The following CDYL2 variants were observed in gnomAD, a reference collection of about 807,000 sequenced individuals.
CDYL2 encodes chromodomain Y like 2, also known as chromodomain Y-like protein 2.
In CDYL2, 23 loss-of-function variants were observed where a neutral mutation model predicts 49.4. The observed-to-expected ratio is 0.47, with a 90% CI of 0.34 to 0.66. The LOEUF is 0.66. CDYL2 is among the 30% of genes least tolerant of loss of function. The pLI is 0.01. For missense variants in CDYL2, 678 were observed against 656.4 expected (o/e 1.03, Z -0.36); for synonymous variants, 360 against 268.8 (o/e 1.34, Z -3.32).
At chr16:80,772,242 T>C (rs1293649190) in intron 1 of CDYL2, among the ~76,000 whole-genome samples, 1 of 151,968 alleles carries the variant, frequency 6.6e-6, no homozygotes, top group Non-Finnish European at 1.5e-5. Flanking sequence ...TTTTAGAAAA[T>C]AATTTCAGGT....
chr16:80,717,449 C>T (rs1904849312), intron 1 of CDYL2, among the ~76,000 whole-genome samples: 1 of 152,206 alleles, frequency 6.6e-6, no homozygotes, highest in African/African-American at 2.4e-5. Context: ...AACACAGCCA[C>T]TGCCACCAGG....
intron 2 of CDYL2, among the ~76,000 whole-genome samples, chr16:80,683,613 GT>G (rs1235726509): frequency 6.6e-6 from 1 of 152,214 alleles, no homozygotes; most frequent in African/African-American, 2.4e-5. Context: ...ACCCACTACA[GT>G]CTGAACATTT....
At chr16:80,712,061 G>GTATATATGTGTGTATATATGTGTGTA (rs1904620992) in intron 1 of CDYL2, among the ~76,000 whole-genome samples, 3 of 146,746 alleles carry the variant, frequency 2.0e-5, no homozygotes, top group Admixed American at 6.8e-5. Flanking sequence ...AGATGTGTGT[G>GTATATATGTGTGTATATATGTGTGTA]TATAGATGTG....
intron 1 of CDYL2, among the ~76,000 whole-genome samples, chr16:80,774,730 A>T (rs1907024355): frequency 6.6e-6 from 1 of 152,110 alleles, no homozygotes; most frequent in Non-Finnish European, 1.5e-5. Context: ...ATTTGGGGCA[A>T]ATCTGAAGAG....
At chr16:80,615,560 T>C (rs1906792039) in intron 4 of CDYL2, among the ~76,000 whole-genome samples, 1 of 152,044 alleles carries the variant, frequency 6.6e-6, no homozygotes, top group African/African-American at 2.4e-5. Context: ...CTGCTGTGGG[T>C]CTCCTGTAAG....
At chr16:80,638,386 T>C (rs929783343) in intron 2 of CDYL2, among the ~76,000 whole-genome samples, 1 of 152,206 alleles carries the variant, frequency 6.6e-6, no homozygotes, top group Admixed American at 6.5e-5. Flanking sequence ...AGACTCAATA[T>C]TTTTAATATG....
intron 1 of CDYL2, among the ~76,000 whole-genome samples, chr16:80,691,355 T>C (rs1218377648): frequency 1.3e-5 from 2 of 152,190 alleles, no homozygotes; most frequent in African/African-American, 4.8e-5. Flanking sequence ...AAGACTTAGA[T>C]TGCTTCAGCT....
At chr16:80,669,679 G>C (rs73583690) in intron 2 of CDYL2, among the ~76,000 whole-genome samples, 4,437 of 152,252 alleles carry the variant, frequency 0.029, 220 homozygotes, top group African/African-American at 0.1. Flanking sequence ...CCTCTGGCTG[G>C]CTTTGTGGCC....
At chr16:80,663,448 C>T (rs949114318) in intron 2 of CDYL2, among the ~76,000 whole-genome samples, 1 of 152,114 alleles carries the variant, frequency 6.6e-6, no homozygotes, top group South Asian at 2.1e-4. Context: ...ATCTTAGCCA[C>T]AGTTAACTGT....
At chr16:80,768,205 T>C (rs1278211666) in intron 1 of CDYL2, among the ~76,000 whole-genome samples, 2 of 152,146 alleles carry the variant, frequency 1.3e-5, no homozygotes, top group Admixed American at 6.5e-5. Context: ...AAACAGAACA[T>C]ACTAGAGATC....
Position 80,663,994 on chromosome 16 carries a change from T to G in CDYL2, c.616+20544A>C, listed in dbSNP as rs540619606. 7.9e-5 allele frequency among the ~76,000 whole-genome samples: 12 copies of G among 152,320 alleles called. No individual in the cohort carries two copies. The South Asian group carries it at 2.5e-3, about 32-fold the overall frequency. On this transcript the variant is annotated intron_variant, in intron 2 of 6. Coordinates refer to ENST00000570137, the MANE Select transcript of CDYL2 (RefSeq NM_152342.4). ...ACAAATCAAATCATGTCTCCTGCAT[T>G]AAAACCCTCCAAGGCCATGCTAACT...
rs1306818994 is a variant in CDYL2 at position 80,602,955 on chromosome 16, C to T, written c.*1433G>A. The T allele has an allele frequency of 1.3e-5, 2 of 152,256 alleles. No homozygotes were observed. Among genetic ancestry groups the T allele is most frequent in the African/African-American group, 4.8e-5 (2 of 41,440 alleles). The allele number at this position is 152,256 out of a possible 1,614,324, so 9.4% of individuals were successfully genotyped here. ...CTCAAAACCACAACCCCCAATCCCT[C>T]CTTCTCTGTAGTTAATCCAGGGACT... On this transcript the variant is annotated 3_prime_UTR_variant, in exon 7 of 7. Transcript: ENST00000570137.
chr16:80,748,308 C>T (rs1474616439), intron 1 of CDYL2, among the ~76,000 whole-genome samples: 1 of 148,440 alleles, frequency 6.7e-6, no homozygotes, highest in Non-Finnish European at 1.5e-5. Context: ...AGGCAGATCA[C>T]GAGGTCAGCA....
At chr16:80,668,638 A>T (rs1172255919) in intron 2 of CDYL2, among the ~76,000 whole-genome samples, 1 of 152,080 alleles carries the variant, frequency 6.6e-6, no homozygotes, top group Non-Finnish European at 1.5e-5. Flanking sequence ...TAAAATGCTT[A>T]TATTTTCCCC....
chr16:80,677,095 T>C (rs1909780622), intron 2 of CDYL2, among the ~76,000 whole-genome samples: 1 of 149,766 alleles, frequency 6.7e-6, no homozygotes, highest in Non-Finnish European at 1.5e-5. Context: ...CTCAGCTCCC[T>C]GGAAAGCTGG....
chr16:80,759,161 T>C (rs1470944846), intron 1 of CDYL2, among the ~76,000 whole-genome samples: 1 of 117,262 alleles, frequency 8.5e-6, no homozygotes, highest in East Asian at 2.4e-4. Flanking sequence ...ATATATGGTT[T>C]ATATATATAT....
intron 1 of CDYL2, among the ~76,000 whole-genome samples, chr16:80,777,961 A>AT (rs1214468140): frequency 1.4e-5 from 2 of 143,058 alleles, no homozygotes; most frequent in Non-Finnish European, 3.2e-5. Context: ...TAATACTAAA[A>AT]TAAAAAAAAA....
chr16:80,624,637 C>T (rs1907225606), intron 3 of CDYL2, among the ~76,000 whole-genome samples: 1 of 152,048 alleles, frequency 6.6e-6, no homozygotes, highest in South Asian at 2.1e-4. Flanking sequence ...GAGCGGATTA[C>T]ATAACATGAC....
chr16:80,661,130 T>C (rs985275558), intron 2 of CDYL2, among the ~76,000 whole-genome samples: 2 of 152,108 alleles, frequency 1.3e-5, no homozygotes, highest in Non-Finnish European at 2.9e-5. Context: ...ACCAAGAACA[T>C]TTCAAACCCC....
Sources: allele counts gnomAD v4.1 joint callset (sites outside exome capture counted in the v4.1 genomes callset), GRCh38; gene constraint gnomAD v4.1.1; transcripts MANE v1.5; gene names NCBI Gene and HGNC (gene_info 2026-07-23, HGNC 2026-07-21).